The following GARRE1 variants were observed in gnomAD, a reference collection of about 807,000 sequenced individuals.
The protein encoded by GARRE1 is granule associated Rac and RHOG effector 1.
GARRE1 carries 49 observed loss-of-function variants against 103.2 expected under a neutral mutation model. The observed-to-expected ratio is 0.47, with a 90% CI of 0.38 to 0.60. The LOEUF is 0.60. Among genes scored for constraint, GARRE1 ranks in the 20% least tolerant of loss-of-function variants. GARRE1 has a pLI of 0.00. For missense variants in GARRE1, 1,199 were observed against 1,370.5 expected, an observed-to-expected ratio of 0.87 and a Z score of 1.98; for synonymous variants, 505 against 532.8, an observed-to-expected ratio of 0.95 and a Z score of 0.72.
At chr19:34,324,654 A>G (rs2145264637) in intron 3 of GARRE1, among the ~76,000 whole-genome samples, 1 of 152,036 alleles carries the variant, frequency 6.6e-6, no homozygotes, top group African/African-American at 2.4e-5. Flanking sequence ...ATGCTTGGCT[A>G]ATTATTTATT....
rs531744134 is a variant in GARRE1, at chr19:34,291,354, T to C, written c.-795-8325T>C. On this transcript the variant is annotated intron_variant, in intron 1 of 13. Transcript: ENST00000299505. Reference sequence around the variant, plus strand: ...TCATCCCTGGAAAACTTATTTATTATTATTAGTTTTTGCTATTAAATGAGA... The same window carrying C: ...TCATCCCTGGAAAACTTATTTATTACTATTAGTTTTTGCTATTAAATGAGA... 6.6e-5 allele frequency among the ~76,000 whole-genome samples: 10 copies of C among 152,344 alleles called. No homozygotes were observed. In the East Asian group the frequency reaches 1.9e-3, roughly 29 times the overall value.
At chr19:34,275,338 A>G (rs899876994) in intron 1 of GARRE1, among the ~76,000 whole-genome samples, 2 of 152,190 alleles carry the variant, frequency 1.3e-5, no homozygotes, top group Non-Finnish European at 2.9e-5. Flanking sequence ...CATCAATTTT[A>G]GAATATTTTC....
At chr19:34,317,628 C>T (rs1164412145) in intron 2 of GARRE1, among the ~76,000 whole-genome samples, 1 of 152,202 alleles carries the variant, frequency 6.6e-6, no homozygotes, top group Non-Finnish European at 1.5e-5. Flanking sequence ...CTGCTGAAGG[C>T]AGTGGGGCAC....
intron 10 of GARRE1, 42 bp from the exon 11 acceptor site, chr19:34,347,835 A>G: frequency 1.4e-6 from 2 of 1,468,806 alleles, no homozygotes; most frequent in East Asian, 5.2e-5. Flanking sequence ...CCAAGAGGCC[A>G]GTTTGTCCCC....
rs772724569 is a variant in GARRE1, at chr19:34,342,153, C to A, written c.2219C>A (p.Pro740His). 3 of 1,614,040 alleles carry A rather than the reference C, an allele frequency of 1.9e-6. No individual in the cohort carries two copies. The highest frequency in any genetic ancestry group is 2.7e-5 in the African/African-American group (2 of 74,924). The change falls in exon 10 of 14, where the codon CCC (proline) becomes CAC (histidine). Residue 740 changes from proline (P) to histidine (H), a missense_variant. Coordinates refer to ENST00000299505, the MANE Select transcript of GARRE1 (RefSeq NM_014686.5). ...QVQYYQHLLQ[P>H]IGPQQPPPQP... ...CAATACTACCAACACCTACTCCAGC[C>A]CATTGGACCGCAGCAGCCCCCGCCC...
intron 1 of GARRE1, among the ~76,000 whole-genome samples, chr19:34,268,338 G>A (rs2073765248): frequency 6.6e-6 from 1 of 152,108 alleles, no homozygotes; most frequent in Non-Finnish European, 1.5e-5. Flanking sequence ...TGTGTTTGTA[G>A]ACAAAACTTT....
intron 8 of GARRE1, among the ~76,000 whole-genome samples, chr19:34,334,415 A>G (rs562129570): frequency 6.6e-6 from 1 of 152,218 alleles, no homozygotes; most frequent in East Asian, 1.9e-4. Context: ...AGAAAATGTA[A>G]TGGCCAAGTG....
At chr19:34,273,202 T>C (rs1383308187) in intron 1 of GARRE1, among the ~76,000 whole-genome samples, 1 of 152,180 alleles carries the variant, frequency 6.6e-6, no homozygotes. Context: ...AGATCCTGTC[T>C]TGAAAATAAA....
At chr19:34,271,842 A>G (rs1297485501) in intron 1 of GARRE1, among the ~76,000 whole-genome samples, 1 of 152,046 alleles carries the variant, frequency 6.6e-6, no homozygotes, top group Non-Finnish European at 1.5e-5. Flanking sequence ...AACAAAAACA[A>G]AAACAAAAAC....
At chr19:34,294,288 G>T (rs2073934886) in intron 1 of GARRE1, among the ~76,000 whole-genome samples, 1 of 151,870 alleles carries the variant, frequency 6.6e-6, no homozygotes, top group Non-Finnish European at 1.5e-5. Context: ...GGTGGGCATG[G>T]TGGTGCATGC....
intron 1 of GARRE1, among the ~76,000 whole-genome samples, chr19:34,288,913 G>C (rs1346077341): frequency 6.6e-6 from 1 of 151,512 alleles, no homozygotes; most frequent in African/African-American, 2.4e-5. Context: ...AGTCGGATCA[G>C]TTGAGGCCAG....
chr19:34,313,627 T>C (rs2074046874), intron 2 of GARRE1, among the ~76,000 whole-genome samples: 1 of 152,218 alleles, frequency 6.6e-6, no homozygotes, highest in African/African-American at 2.4e-5. Context: ...TTGTAATCAG[T>C]TTATCAATAG....
intron 2 of GARRE1, among the ~76,000 whole-genome samples, chr19:34,312,837 G>T (rs906693896): frequency 1.3e-5 from 2 of 152,140 alleles, no homozygotes; most frequent in Non-Finnish European, 2.9e-5. Flanking sequence ...TGAGGCAGGA[G>T]AATCGCTTGA....
At chr19:34,276,687 C>A (rs10416656) in intron 1 of GARRE1, among the ~76,000 whole-genome samples, 3 of 152,118 alleles carry the variant, frequency 2.0e-5, no homozygotes, top group Non-Finnish European at 4.4e-5. Flanking sequence ...GTCACAGATA[C>A]CGCAGCCACT....
chr19:34,346,496 C>A (rs1297946933), intron 10 of GARRE1, among the ~76,000 whole-genome samples: 11 of 152,186 alleles, frequency 7.2e-5, no homozygotes, highest in Non-Finnish European at 1.5e-5. Flanking sequence ...CATATAACCT[C>A]TATCTGGCTG....
chr19:34,314,841 A>G (rs2074052920), intron 2 of GARRE1, among the ~76,000 whole-genome samples: 1 of 152,152 alleles, frequency 6.6e-6, no homozygotes, highest in Non-Finnish European at 1.5e-5. Flanking sequence ...TCTATAGCCC[A>G]GGCATGGTCT....
intron 1 of GARRE1, among the ~76,000 whole-genome samples, chr19:34,292,495 A>G (rs980475385): frequency 1.3e-5 from 2 of 152,196 alleles, no homozygotes; most frequent in African/African-American, 4.8e-5. Flanking sequence ...ATACATAGGA[A>G]TGAAATTGCT....
At chr19:34,334,054 C>T (rs2074149843) in intron 8 of GARRE1, among the ~76,000 whole-genome samples, 1 of 152,140 alleles carries the variant, frequency 6.6e-6, no homozygotes, top group African/African-American at 2.4e-5. Flanking sequence ...ACTCTTGGAT[C>T]ATAATGAGCA....
chr19:34,255,918 T>A (rs1291185425), intron 1 of GARRE1, among the ~76,000 whole-genome samples: 1 of 152,002 alleles, frequency 6.6e-6, no homozygotes, highest in Non-Finnish European at 1.5e-5. Flanking sequence ...CTAGATTAAC[T>A]GCAACCTTAG....
Sources: allele counts gnomAD v4.1 joint callset (sites outside exome capture counted in the v4.1 genomes callset), GRCh38; gene constraint gnomAD v4.1.1; transcripts MANE v1.5; gene names NCBI Gene and HGNC (gene_info 2026-07-23, HGNC 2026-07-21).